The following GPR158 variants were observed in gnomAD, a reference collection of about 807,000 sequenced individuals.
GPR158 encodes the protein metabotropic glycine receptor.
A neutral mutation model predicts 78.2 loss-of-function variants in GPR158; 30 were observed. The observed-to-expected ratio is 0.38, with a 90% CI of 0.29 to 0.52. The LOEUF (loss-of-function observed/expected upper bound fraction) is 0.52. Ranked by LOEUF, GPR158 falls within the 20% of genes least tolerant of loss-of-function variation. GPR158 has a pLI of 0.83. For missense variants in GPR158, 1,463 were observed against 1,523.5 expected, an observed-to-expected ratio of 0.96 and a Z score of 0.66; for synonymous variants, 581 against 591.1, an observed-to-expected ratio of 0.98 and a Z score of 0.25.
chr10:25,468,171 T>C (rs898532386), intron 5 of GPR158, among the ~76,000 whole-genome samples: 8 of 152,148 alleles, frequency 5.3e-5, no homozygotes, highest in African/African-American at 9.7e-5. Flanking sequence ...ATTGGGCATC[T>C]TAAGGAGTGT....
chr10:25,391,265 T>C (rs1834294137), intron 2 of GPR158, among the ~76,000 whole-genome samples: 1 of 152,110 alleles, frequency 6.6e-6, no homozygotes, highest in Admixed American at 6.5e-5. Context: ...CACTGCCTAG[T>C]GGAGCTGTGA....
intron 4 of GPR158, among the ~76,000 whole-genome samples, chr10:25,456,998 A>G (rs1350142054): frequency 6.6e-6 from 1 of 151,780 alleles, no homozygotes; most frequent in Admixed American, 6.6e-5. Context: ...TGTGTGTTGG[A>G]GTCTCGCCCT....
intron 1 of GPR158, among the ~76,000 whole-genome samples, chr10:25,199,918 A>T (rs1852899183): frequency 6.6e-6 from 1 of 152,152 alleles, no homozygotes; most frequent in Non-Finnish European, 1.5e-5. Flanking sequence ...TCTACTGTTG[A>T]TGGGCACTTA....
At chr10:25,584,509 G>A (rs1452580445) in intron 7 of GPR158, among the ~76,000 whole-genome samples, 1 of 152,104 alleles carries the variant, frequency 6.6e-6, no homozygotes, top group Non-Finnish European at 1.5e-5. Flanking sequence ...CTCCATTGTA[G>A]CACACTAATT....
intron 2 of GPR158, among the ~76,000 whole-genome samples, chr10:25,388,050 C>T (rs779693931): frequency 2.6e-5 from 4 of 152,200 alleles, no homozygotes; most frequent in Non-Finnish European, 5.9e-5. Flanking sequence ...CTCTTGACCA[C>T]CATATCTTAT....
At chr10:25,399,477 T>C (rs541781367) in intron 3 of GPR158, among the ~76,000 whole-genome samples, 3 of 152,294 alleles carry the variant, frequency 2.0e-5, no homozygotes, top group Admixed American at 2.0e-4. Flanking sequence ...ATCTAATGCC[T>C]GATGGTCTGA....
At chr10:25,334,383 A>G (rs1279269746) in intron 2 of GPR158, among the ~76,000 whole-genome samples, 3 of 152,076 alleles carry the variant, frequency 2.0e-5, no homozygotes, top group South Asian at 4.1e-4. Flanking sequence ...TTTTCTCAAA[A>G]TCTATAATTA....
chr10:25,221,037 C>T lies in GPR158; in HGVS notation c.903-15C>T. Reference sequence around the variant, plus strand: ...TCCAGATTAATTTGTTCTTTTTATCCTTTTCTATTTCTAGGGGTGTCATGA... The same window carrying T: ...TCCAGATTAATTTGTTCTTTTTATCTTTTTCTATTTCTAGGGGTGTCATGA... On this transcript the variant is annotated splice_polypyrimidine_tract_variant and intron_variant, in intron 1 of 10. Coordinates refer to ENST00000376351, the MANE Select transcript of GPR158 (RefSeq NM_020752.3). 1 of 1,277,662 alleles carries T rather than the reference C, an allele frequency of 7.8e-7. No homozygotes were observed. Among genetic ancestry groups the T allele is most frequent in the Admixed American group, 1.9e-5 (1 of 52,264 alleles). 79.1% of individuals were successfully genotyped at this position (1,277,662 alleles called of 1,614,324 possible).
At position 25,320,175 on chromosome 10, in the gene GPR158, C is replaced by T. The variant is rs368919271; in HGVS notation, c.1009-75736C>T. On this transcript the variant is annotated intron_variant, in intron 2 of 10. Coordinates refer to ENST00000376351, the MANE Select transcript of GPR158 (RefSeq NM_020752.3). ...TATCTTTATATGTCCCAGAGGCCTT[C>T]TTTTCTTGTAGCTGCTCCACATAGT... Among the ~76,000 whole-genome samples, 3 of 152,184 alleles carry T rather than the reference C, an allele frequency of 2.0e-5. No homozygotes were observed. The South Asian group carries it at 6.2e-4, about 31-fold the overall frequency.
intron 6 of GPR158, among the ~76,000 whole-genome samples, chr10:25,561,377 C>G (rs777601299): frequency 2.6e-5 from 4 of 152,056 alleles, no homozygotes. Flanking sequence ...AGACCATGGT[C>G]CTAGAATTCA....
At chr10:25,532,305 T>TG (rs35301889) in intron 5 of GPR158, among the ~76,000 whole-genome samples, 79,897 of 151,856 alleles carry the variant, frequency 0.53, 21,769 homozygotes, top group African/African-American at 0.68. Flanking sequence ...GGTGGGCCAC[T>TG]CCCAGGGACA....
intron 4 of GPR158, among the ~76,000 whole-genome samples, chr10:25,429,190 G>A (rs1253515620): frequency 6.6e-6 from 1 of 152,042 alleles, no homozygotes; most frequent in Non-Finnish European, 1.5e-5. Context: ...GAGATAGTTT[G>A]AAAAGTATTG....
chr10:25,572,609 T>A (rs774969008), intron 6 of GPR158, 40 bp from the exon 7 acceptor site: 1 of 1,219,930 alleles, frequency 8.2e-7, no homozygotes, highest in Non-Finnish European at 1.2e-6. Flanking sequence ...ACTTTCTGAA[T>A]GTTAGGTTTG....
chr10:25,436,288 T>C (rs1266981723), intron 4 of GPR158, among the ~76,000 whole-genome samples: 2 of 152,154 alleles, frequency 1.3e-5, no homozygotes, highest in African/African-American at 4.8e-5. Flanking sequence ...ACAATCCTAA[T>C]GGTTAACCTG....
intron 4 of GPR158, among the ~76,000 whole-genome samples, chr10:25,429,695 G>C (rs891476335): frequency 1.3e-5 from 2 of 150,356 alleles, no homozygotes; most frequent in African/African-American, 4.9e-5. Flanking sequence ...GGGATGCAAG[G>C]CTGGTTCAAT....
At chr10:25,355,565 G>T (rs1007151107) in intron 2 of GPR158, among the ~76,000 whole-genome samples, 3 of 151,980 alleles carry the variant, frequency 2.0e-5, no homozygotes, top group Non-Finnish European at 4.4e-5. Context: ...TTGGCTATTT[G>T]TTTCTTGTGG....
At chr10:25,446,805 C>A (rs1191486328) in intron 4 of GPR158, among the ~76,000 whole-genome samples, 1 of 152,186 alleles carries the variant, frequency 6.6e-6, no homozygotes, top group Non-Finnish European at 1.5e-5. Context: ...GAATGTTTAA[C>A]AGCAAATGAT....
At chr10:25,428,552 G>T (rs186745240) in intron 4 of GPR158, among the ~76,000 whole-genome samples, 2 of 152,062 alleles carry the variant, frequency 1.3e-5, no homozygotes, top group Non-Finnish European at 2.9e-5. Flanking sequence ...GATTAATGTC[G>T]TAAGCAGTTC....
chr10:25,219,707 G>GA (rs1209399333), intron 1 of GPR158, among the ~76,000 whole-genome samples: 1 of 152,138 alleles, frequency 6.6e-6, no homozygotes, highest in Non-Finnish European at 1.5e-5. Flanking sequence ...AAAAATAAAT[G>GA]ATTTATTCAC....
Sources: gnomAD v4.1 joint callset for allele counts (sites outside exome capture counted in the v4.1 genomes callset) on GRCh38, gnomAD v4.1.1 for gene constraint, MANE v1.5 for transcripts, NCBI Gene and HGNC (gene_info 2026-07-23, HGNC 2026-07-21) for gene names.